The following STOM variants were observed in gnomAD, a reference collection of about 807,000 sequenced individuals.
STOM encodes the protein stomatin.
STOM carries 25 observed loss-of-function variants against 30.6 expected under a neutral mutation model. That is an observed-to-expected ratio of 0.82 (90% CI 0.60 to 1.14). The LOEUF (loss-of-function observed/expected upper bound fraction) is 1.14, where lower values mean the gene tolerates loss of function less well. STOM is among the 50% of genes most tolerant of loss of function. The pLI is 0.00. For synonymous variants in STOM, 118 were observed against 130.8 expected, an observed-to-expected ratio of 0.90 and a Z score of 0.67; for missense variants, 292 against 365.2, an observed-to-expected ratio of 0.80 and a Z score of 1.63.
intron 6 of STOM, among the ~76,000 whole-genome samples, chr9:121,344,930 C>A (rs2064276747): frequency 6.6e-6 from 1 of 152,200 alleles, no homozygotes. Context: ...AAAAACCAAA[C>A]CTAACATACA....
Position 121,340,252 on chromosome 9 carries a change from T to G in STOM, c.*950A>C. 1.0e-6 allele frequency: 1 copy of G among 985,398 alleles called. No homozygotes were observed. Among genetic ancestry groups the G allele is most frequent in the Non-Finnish European group, 1.2e-6 (1 of 829,906 alleles). The allele number at this position is 985,398 out of a possible 1,614,324, so 61.0% of individuals were successfully genotyped here. On this transcript the variant is annotated 3_prime_UTR_variant, in exon 7 of 7. Coordinates refer to ENST00000286713, the MANE Select transcript of STOM (RefSeq NM_004099.6). ...CAAATAAGTTAAAACATGGATGTAT[T>G]TTTAAAATGACCACTCTAGTAGTGA... is the stretch of plus-strand genomic sequence containing the variant.
chr9:121,343,439 A>G (rs1177770683), intron 6 of STOM, among the ~76,000 whole-genome samples: 1 of 152,200 alleles, frequency 6.6e-6, no homozygotes, highest in Non-Finnish European at 1.5e-5. Context: ...CTGGTCAGGT[A>G]GGGAAGGCAG....
At chr9:121,342,098 A>G (rs2064251565) in intron 6 of STOM, among the ~76,000 whole-genome samples, 1 of 152,198 alleles carries the variant, frequency 6.6e-6, no homozygotes, top group African/African-American at 2.4e-5. Flanking sequence ...TACTGGGTGC[A>G]GTGGCTCACA....
intron 6 of STOM, among the ~76,000 whole-genome samples, chr9:121,347,304 A>C (rs111813047): frequency 1.1e-4 from 16 of 152,300 alleles, no homozygotes; most frequent in African/African-American, 3.1e-4. Context: ...TATCCCTGAA[A>C]TTTTACACAT....
chr9:121,366,197 C>T, intron 1 of STOM: 1 of 985,298 alleles, frequency 1.0e-6, no homozygotes, highest in Non-Finnish European at 1.2e-6. Flanking sequence ...GTTGTATCTT[C>T]AAGGATAATC....
In STOM at chr9:121,340,126, T is replaced by C. The variant is rs2064233141; in HGVS notation, c.*1076A>G. On this transcript the variant is annotated 3_prime_UTR_variant, in exon 7 of 7. Transcript: ENST00000286713. ...AATTAAAACTATTTAAAACCTGATA[T>C]ATGAAAATAGGCAACAGTGAGAAAA... 4 of 984,330 alleles carry C rather than the reference T, an allele frequency of 4.1e-6. No homozygotes were observed. Among genetic ancestry groups the C allele is most frequent in the South Asian group, 4.7e-5 (1 of 21,272 alleles). The allele number at this position is 984,330 out of a possible 1,614,324, so 61.0% of individuals were successfully genotyped here.
chr9:121,341,256 C>T lies in STOM; in HGVS notation c.813G>A (p.Leu271=), dbSNP rs1339101052. 1 of 1,614,004 alleles carries T rather than the reference C, an allele frequency of 6.2e-7. No individual in the cohort carries two copies. The highest frequency in any genetic ancestry group is 8.5e-7 in the Non-Finnish European group (1 of 1,180,034). ...AEKNSTIVFP[L]PIDMLQGIIG... ...TGATTCCTTGCAGCATATCTATGGG[C>T]AGAGGGAAGACAATTGTTGAGTTTT... Residue 271 remains leucine, a synonymous_variant, in exon 7 of 7, where the codon CTG becomes CTA. Coordinates refer to ENST00000286713, the MANE Select transcript of STOM (RefSeq NM_004099.6).
Position 121,340,157 on chromosome 9 carries a change from C to T in STOM, c.*1045G>A. Reference sequence around the variant, plus strand: ...AATAGGCAACAGTGAGAAAAAAGCACTTTTGTGACAAATATTTAGCTGGTT... The same window carrying T: ...AATAGGCAACAGTGAGAAAAAAGCATTTTTGTGACAAATATTTAGCTGGTT... On this transcript the variant is annotated 3_prime_UTR_variant, in exon 7 of 7. Transcript: ENST00000286713. The T allele has an allele frequency of 1.0e-6, 1 of 985,372 alleles. No homozygotes were observed. Among genetic ancestry groups the T allele is most frequent in the South Asian group, 4.7e-5 (1 of 21,286 alleles). 61.0% of individuals were successfully genotyped at this position (985,372 alleles called of 1,614,324 possible).
intron 6 of STOM, among the ~76,000 whole-genome samples, chr9:121,342,313 G>A (rs1040658315): frequency 2.0e-5 from 3 of 151,104 alleles, no homozygotes; most frequent in Admixed American, 2.0e-4. Context: ...GCAGTGAGCC[G>A]AGATCATGCC....
chr9:121,348,531 C>T (rs1199102894), intron 5 of STOM, among the ~76,000 whole-genome samples: 1 of 152,180 alleles, frequency 6.6e-6, no homozygotes, highest in Non-Finnish European at 1.5e-5. Context: ...TTGCCAACTC[C>T]TGAGCTAATG....
In STOM at chr9:121,340,790, T is replaced by C. The variant is rs2064239405; in HGVS notation, c.*412A>G. On this transcript the variant is annotated 3_prime_UTR_variant, in exon 7 of 7. Coordinates refer to ENST00000286713, the MANE Select transcript of STOM (RefSeq NM_004099.6). ...AAAGACTCTCTGGAGGTAAGGCACATATGACCTGGAGAAGCTGGTTGTGGT... is the reference window on the plus strand; with the variant it reads ...AAAGACTCTCTGGAGGTAAGGCACACATGACCTGGAGAAGCTGGTTGTGGT... 1 of 1,010,504 alleles carries C rather than the reference T, an allele frequency of 9.9e-7. No homozygotes were observed. The highest frequency in any genetic ancestry group is 5.1e-4 in the Middle Eastern group (1 of 1,958). 62.6% of individuals were successfully genotyped at this position (1,010,504 alleles called of 1,614,324 possible). A position where few individuals can be genotyped will look rare whatever the true frequency, so the allele number is the denominator to read the frequency against.
At chr9:121,364,391 G>C (rs1452349308) in intron 1 of STOM, among the ~76,000 whole-genome samples, 2 of 152,162 alleles carry the variant, frequency 1.3e-5, no homozygotes, top group Non-Finnish European at 2.9e-5. Flanking sequence ...TGGGGCTAGA[G>C]TAGCTACAGG....
At position 121,353,237 on chromosome 9, in the gene STOM, C is replaced by CA. The variant is rs774493977; in HGVS notation, c.303dup (p.Asp102Ter). 5.0e-6 allele frequency: 8 copies of CA among 1,609,314 alleles called. No individual in the cohort carries two copies. Among genetic ancestry groups the CA allele is most frequent in the Middle Eastern group, 1.6e-4 (1 of 6,070 alleles). ...AACCTTACCTCCTGAGGAGGAATATCAAATGAAATAGTTCTCATGTCCACT... is the reference window on the plus strand; with the variant it reads ...AACCTTACCTCCTGAGGAGGAATATCAAAATGAAATAGTTCTCATGTCCACT... On this transcript the variant is annotated frameshift_variant, in exon 4 of 7. Transcript: ENST00000286713. LOFTEE classifies it high-confidence loss of function.
At chr9:121,362,293 G>C (rs529107902) in intron 1 of STOM, among the ~76,000 whole-genome samples, 3 of 152,080 alleles carry the variant, frequency 2.0e-5, no homozygotes, top group South Asian at 2.1e-4. Context: ...TTTTTGCCTT[G>C]ATATACGTCT....
intron 4 of STOM, among the ~76,000 whole-genome samples, 198 bp from the exon 5 acceptor site, chr9:121,349,521 T>C (rs916376177): frequency 2.0e-5 from 3 of 152,154 alleles, no homozygotes; most frequent in Admixed American, 1.3e-4. Flanking sequence ...ACAAATAATA[T>C]TGAGATATCA....
At chr9:121,348,891 T>C (rs562588312) in intron 5 of STOM, among the ~76,000 whole-genome samples, 2 of 152,096 alleles carry the variant, frequency 1.3e-5, no homozygotes, top group South Asian at 2.1e-4. Context: ...TGGAAAAAAA[T>C]ACACACTGAA....
In STOM at chr9:121,339,725, A is replaced by C. The variant is rs947243594; in HGVS notation, c.*1477T>G. 1 of 1,230,182 alleles carries C rather than the reference A, an allele frequency of 8.1e-7. No homozygotes were observed. Among genetic ancestry groups the C allele is most frequent in the Non-Finnish European group, 1.0e-6 (1 of 987,196 alleles). The allele number at this position is 1,230,182 out of a possible 1,614,324, so 76.2% of individuals were successfully genotyped here. ...TTCACAGACATTTGCAAAACAGAAG[A>C]TGTCTCCTAATATTATAGACTAAGA... On this transcript the variant is annotated 3_prime_UTR_variant, in exon 7 of 7. Coordinates refer to ENST00000286713, the MANE Select transcript of STOM (RefSeq NM_004099.6).
chr9:121,340,672 C>A lies in STOM; in HGVS notation c.*530G>T, dbSNP rs1192100992. On this transcript the variant is annotated 3_prime_UTR_variant, in exon 7 of 7. Coordinates refer to ENST00000286713, the MANE Select transcript of STOM (RefSeq NM_004099.6). ...GGCTGAGGCAGGAGAATCTCTTGAA[C>A]CCAGGAGGCGGAGGTTGCAGTGAGC... 3.9e-5 allele frequency: 33 copies of A among 850,454 alleles called. No homozygotes were observed. Among genetic ancestry groups the A allele is most frequent in the Non-Finnish European group, 4.7e-5 (33 of 706,800 alleles). The allele number at this position is 850,454 out of a possible 1,614,324, so 52.7% of individuals were successfully genotyped here.
chr9:121,353,649 A>G (rs946251234), intron 3 of STOM, among the ~76,000 whole-genome samples: 1 of 151,798 alleles, frequency 6.6e-6, no homozygotes, highest in Non-Finnish European at 1.5e-5. Context: ...ATCCCCCCTA[A>G]AATACAAACC....
Sources: allele counts gnomAD v4.1 joint callset (sites outside exome capture counted in the v4.1 genomes callset), GRCh38; gene constraint gnomAD v4.1.1; transcripts MANE v1.5; gene names NCBI Gene and HGNC (gene_info 2026-07-23, HGNC 2026-07-21).